Variants in ROBO2 observed in about 807,000 individuals in gnomAD.
ROBO2 encodes the protein roundabout homolog 2.
ROBO2 carries 53 observed loss-of-function variants against 160.8 expected under a neutral mutation model. The observed-to-expected ratio is 0.33, with a 90% confidence interval of 0.26 to 0.41. The LOEUF is 0.41. ROBO2 is among the 10% of genes least tolerant of loss of function. The probability of loss-of-function intolerance (pLI) is 1.00; values close to 1 mark genes in which losing one functional copy is unlikely to be tolerated. For missense variants in ROBO2, 1,577 were observed against 1,722.4 expected (o/e 0.92, Z 1.49); for synonymous variants, 664 against 611.7 (o/e 1.09, Z -1.26).
chr3:76,568,297 A>T (rs1334383422), intron 2 of ROBO2, among the ~76,000 whole-genome samples: 2 of 151,194 alleles, frequency 1.3e-5, no homozygotes, highest in African/African-American at 4.9e-5. Flanking sequence ...TTTTTAATTT[A>T]ATTTTATTTA....
At chr3:76,340,285 A>T (rs1034097199) in intron 2 of ROBO2, among the ~76,000 whole-genome samples, 9 of 152,118 alleles carry the variant, frequency 5.9e-5, no homozygotes, top group African/African-American at 2.2e-4. Flanking sequence ...GGTCTCCCTC[A>T]GCCTTCAGTC....
At chr3:77,536,496 G>A (rs979554028) in intron 6 of ROBO2, among the ~76,000 whole-genome samples, 3 of 150,814 alleles carry the variant, frequency 2.0e-5, no homozygotes, top group Non-Finnish European at 4.4e-5. Flanking sequence ...TTCTCCAGCT[G>A]TAGAAGGCCA....
intron 2 of ROBO2, among the ~76,000 whole-genome samples, chr3:76,272,832 T>TATATATATTTATATATAAAATATATAAA (rs1553693025): frequency 0.55 from 20,928 of 38,228 alleles, 7,162 homozygotes; most frequent in Non-Finnish European, 0.71. Context: ...ATATATAAAA[T>TATATATATTTATATATAAAATATATAAA]ATATATATTA....
chr3:75,989,136 T>A (rs2065495794), intron 2 of ROBO2, among the ~76,000 whole-genome samples: 1 of 152,128 alleles, frequency 6.6e-6, no homozygotes, highest in African/African-American at 2.4e-5. Flanking sequence ...TGTTTGTTTT[T>A]GAGATGGAGT....
At position 76,751,073 on chromosome 3, in the gene ROBO2, G is replaced by T. The variant is rs1339108641; in HGVS notation, c.110-346941G>T. Among the ~76,000 whole-genome samples the T allele has an allele frequency of 2.0e-5, 3 of 152,060 alleles. No homozygotes were observed. In the East Asian group the frequency reaches 5.8e-4, roughly 29 times the overall value. On this transcript the variant is annotated intron_variant, in intron 2 of 26. Transcript: ENST00000487694. ...CTACAAGGCTACAGTAACCAAAACA[G>T]CATGGTACTGGTACCAAAACAGAGA...
At chr3:77,003,972 C>G (rs577960410) in intron 2 of ROBO2, among the ~76,000 whole-genome samples, 4 of 152,106 alleles carry the variant, frequency 2.6e-5, no homozygotes, top group African/African-American at 9.7e-5. Flanking sequence ...ATGAACATGG[C>G]AGTCTCAGAA....
chr3:76,645,537 G>A (rs570249406), intron 2 of ROBO2, among the ~76,000 whole-genome samples: 3 of 152,272 alleles, frequency 2.0e-5, no homozygotes, highest in South Asian at 4.1e-4. Flanking sequence ...ATGAATGTAA[G>A]TGTTATAAGG....
intron 2 of ROBO2, among the ~76,000 whole-genome samples, chr3:76,736,010 G>A (rs990134973): frequency 5.9e-5 from 9 of 151,704 alleles, no homozygotes; most frequent in Non-Finnish European, 8.8e-5. Flanking sequence ...AAGGCCGGGC[G>A]CGGTGGCTCA....
At chr3:77,538,573 ATATTTTC>A (rs1462722640) in intron 6 of ROBO2, among the ~76,000 whole-genome samples, 1 of 152,170 alleles carries the variant, frequency 6.6e-6, no homozygotes, top group African/African-American at 2.4e-5. Context: ...TTTCTAATTT[ATATTTTC>A]TATTATAAAT....
intron 2 of ROBO2, among the ~76,000 whole-genome samples, chr3:76,958,205 A>G (rs2079414442): frequency 6.6e-6 from 1 of 152,152 alleles, no homozygotes; most frequent in Non-Finnish European, 1.5e-5. Flanking sequence ...CACTTCACTT[A>G]TTTGCCTTCT....
chr3:76,125,289 G>A (rs1193377002), intron 2 of ROBO2, among the ~76,000 whole-genome samples: 2 of 152,052 alleles, frequency 1.3e-5, no homozygotes, highest in Non-Finnish European at 2.9e-5. Flanking sequence ...GCTATTGTGG[G>A]TAGCACAACA....
At chr3:76,886,206 T>G (rs1023615214) in intron 2 of ROBO2, among the ~76,000 whole-genome samples, 2 of 151,856 alleles carry the variant, frequency 1.3e-5, no homozygotes, top group African/African-American at 4.8e-5. Context: ...CACATAAACT[T>G]TTTCTTGAGA....
At chr3:77,183,989 C>A (rs1247954379) in intron 2 of ROBO2, among the ~76,000 whole-genome samples, 2 of 151,938 alleles carry the variant, frequency 1.3e-5, no homozygotes, top group East Asian at 3.9e-4. Context: ...AGCTTAGTAT[C>A]TTTTCCCTTC....
rs1261735333 is a variant in ROBO2 at position 75,915,521 on chromosome 3, A to C, written c.-14+8561A>C. On this transcript the variant is annotated intron_variant, in intron 1 of 26. Transcript: ENST00000487694. The stretch of plus-strand genomic sequence containing the variant: ...TAGTTCACAGTATTGTAACTTTAAA[A>C]AAATTACTAATTTTTTCAATACTGT... Among the ~76,000 whole-genome samples, 3 of 152,212 alleles carry C rather than the reference A, an allele frequency of 2.0e-5. No homozygotes were observed. In the East Asian group the frequency reaches 5.8e-4, roughly 29 times the overall value.
intron 2 of ROBO2, among the ~76,000 whole-genome samples, chr3:76,364,328 T>G (rs188907572): frequency 1.3e-5 from 2 of 152,230 alleles, no homozygotes; most frequent in Admixed American, 1.3e-4. Flanking sequence ...TTTTCAGCAT[T>G]TGTTGCAATC....
intron 2 of ROBO2, among the ~76,000 whole-genome samples, chr3:75,959,522 T>G (rs1400662107): frequency 1.3e-5 from 2 of 151,714 alleles, no homozygotes; most frequent in Non-Finnish European, 1.5e-5. Context: ...GCCCTTAGAT[T>G]TCATGAATTA....
chr3:75,985,329 G>A (rs2065386377), intron 2 of ROBO2, among the ~76,000 whole-genome samples: 1 of 151,508 alleles, frequency 6.6e-6, no homozygotes, highest in African/African-American at 2.4e-5. Flanking sequence ...TTATTTTAAA[G>A]TAGACCATGC....
chr3:76,624,062 A>G (rs560005356), intron 2 of ROBO2, among the ~76,000 whole-genome samples: 21 of 152,092 alleles, frequency 1.4e-4, no homozygotes, highest in African/African-American at 4.8e-4. Flanking sequence ...TCCTTTCTCC[A>G]TTAAAAAAAA....
intron 2 of ROBO2, among the ~76,000 whole-genome samples, chr3:75,964,277 TA>T (rs967762403): frequency 2.1e-4 from 32 of 151,764 alleles, no homozygotes; most frequent in African/African-American, 7.0e-4. Flanking sequence ...GCAGAATGTG[TA>T]AAAAAAATCT....
Sources: gnomAD v4.1 joint callset for allele counts (sites outside exome capture counted in the v4.1 genomes callset) on GRCh38, gnomAD v4.1.1 for gene constraint, MANE v1.5 for transcripts, NCBI Gene and HGNC (gene_info 2026-07-23, HGNC 2026-07-21) for gene names.